The following GMDS variants were observed in gnomAD, a reference collection of about 807,000 sequenced individuals.
The protein encoded by GMDS is GDP-mannose 4,6 dehydratase.
In GMDS, 20 loss-of-function variants were observed where a neutral mutation model predicts 49.9. That is an observed-to-expected ratio of 0.40 (90% CI 0.28 to 0.58). GMDS has a LOEUF of 0.58. Among genes scored for constraint, GMDS ranks in the 20% least tolerant of loss-of-function variants. GMDS has a pLI of 0.42. For synonymous variants in GMDS, 177 were observed against 178.6 expected (o/e 0.99, Z 0.07); for missense variants, 362 against 481.4 (o/e 0.75, Z 2.32).
At chr6:1,913,388 CAAAAAAAAA>C (rs56262461) in intron 7 of GMDS, among the ~76,000 whole-genome samples, 1 of 103,976 alleles carries the variant, frequency 9.6e-6, no homozygotes, top group East Asian at 2.8e-4. Flanking sequence ...CTCAAACAAA[CAAAAAAAAA>C]AAAAAAAAAA....
chr6:2,095,648 C>A (rs900262320), intron 4 of GMDS, among the ~76,000 whole-genome samples: 1 of 152,096 alleles, frequency 6.6e-6, no homozygotes, highest in Non-Finnish European at 1.5e-5. Context: ...GTGTTTCTTG[C>A]AAATGTGATG....
intron 9 of GMDS, among the ~76,000 whole-genome samples, chr6:1,708,628 A>G (rs1254089922): frequency 2.0e-5 from 3 of 152,252 alleles, no homozygotes; most frequent in South Asian, 2.1e-4. Flanking sequence ...CATGCCTATT[A>G]TAAACTGCTG....
chr6:1,959,135 G>A (rs1264386666), intron 6 of GMDS, among the ~76,000 whole-genome samples: 5 of 152,188 alleles, frequency 3.3e-5, no homozygotes, highest in Admixed American at 3.3e-4. Context: ...TAAAATTATA[G>A]CTAGACAGAC....
intron 7 of GMDS, among the ~76,000 whole-genome samples, chr6:1,887,005 T>A (rs146729202): frequency 6.6e-6 from 1 of 152,322 alleles, no homozygotes; most frequent in East Asian, 1.9e-4. Context: ...CATTTATTCA[T>A]CTTCACCACC....
At chr6:1,760,562 A>AC (rs899947043) in intron 7 of GMDS, among the ~76,000 whole-genome samples, 10 of 152,104 alleles carry the variant, frequency 6.6e-5, no homozygotes, top group African/African-American at 2.4e-4. Context: ...CGCAGTCCCC[A>AC]CCGCCGAGGA....
rs1016513404 is a variant in GMDS, at chr6:2,173,151, C to G, written c.103-48420G>C. Among the ~76,000 whole-genome samples the G allele has an allele frequency of 4.6e-5, 7 of 152,150 alleles. No homozygotes were observed. The East Asian group carries it at 1.3e-3, about 29-fold the overall frequency. ...TCTAGGTTATTTTAAAAACAACATA[C>G]TACTGCTTATCAACACTTAGGAAAT... On this transcript the variant is annotated intron_variant, in intron 1 of 10. Transcript: ENST00000380815.
chr6:2,067,377 A>T (rs1402392303), intron 4 of GMDS, among the ~76,000 whole-genome samples: 1 of 149,948 alleles, frequency 6.7e-6, no homozygotes, highest in Non-Finnish European at 1.5e-5. Context: ...GAGCAAACAC[A>T]TTCAAAAGCT....
chr6:2,242,610 T>C (rs1030475426), intron 1 of GMDS, among the ~76,000 whole-genome samples: 8 of 152,204 alleles, frequency 5.3e-5, no homozygotes, highest in Admixed American at 2.6e-4. Flanking sequence ...TGAAATCTCT[T>C]CTTAGAGTAA....
chr6:2,123,187 C>T (rs1470470537), intron 2 of GMDS, among the ~76,000 whole-genome samples: 4 of 152,170 alleles, frequency 2.6e-5, no homozygotes, highest in African/African-American at 7.2e-5. Context: ...CATCCAAACT[C>T]GCCCTGTCAC....
At chr6:2,153,395 TA>T (rs1776943101) in intron 1 of GMDS, among the ~76,000 whole-genome samples, 2 of 151,858 alleles carry the variant, frequency 1.3e-5, no homozygotes, top group African/African-American at 4.8e-5. Flanking sequence ...ACCAAATAAT[TA>T]AAAAGCAAAT....
At chr6:1,641,182 T>G (rs1401662869) in intron 9 of GMDS, among the ~76,000 whole-genome samples, 1 of 152,224 alleles carries the variant, frequency 6.6e-6, no homozygotes, top group Admixed American at 6.5e-5. Context: ...TGGGACATCC[T>G]GAGACATGCT....
At chr6:2,218,006 G>A (rs940468941) in intron 1 of GMDS, among the ~76,000 whole-genome samples, 5 of 152,116 alleles carry the variant, frequency 3.3e-5, no homozygotes, top group African/African-American at 2.4e-5. Context: ...AACTGCTCTC[G>A]GGCTCCAAAT....
intron 9 of GMDS, among the ~76,000 whole-genome samples, chr6:1,714,119 G>A (rs1343262177): frequency 2.0e-5 from 3 of 152,106 alleles, no homozygotes; most frequent in African/African-American, 4.8e-5. Flanking sequence ...CTGGATTCAC[G>A]CCATTCTCCC....
Position 2,190,101 on chromosome 6 carries a change from A to G in GMDS, c.102+55220T>C, listed in dbSNP as rs573250847. Among the ~76,000 whole-genome samples the G allele has an allele frequency of 4.6e-5, 7 of 152,308 alleles. No homozygotes were observed. In the Middle Eastern group the frequency reaches 0.014, roughly 296 times the overall value. On this transcript the variant is annotated intron_variant, in intron 1 of 10. Coordinates refer to ENST00000380815, the MANE Select transcript of GMDS (RefSeq NM_001500.4). The stretch of plus-strand genomic sequence containing the variant: ...CAGCTCAGCCAACGGAAAACATTCA[A>G]CCTTCAACTTTTAATAAAGTACAAA...
At chr6:1,667,594 T>A (rs1384605787) in intron 9 of GMDS, among the ~76,000 whole-genome samples, 2 of 152,130 alleles carry the variant, frequency 1.3e-5, no homozygotes, top group Non-Finnish European at 2.9e-5. Context: ...CATATGAACA[T>A]GCTGAAAGAA....
At chr6:1,738,018 A>C (rs1293793320) in intron 8 of GMDS, among the ~76,000 whole-genome samples, 21 of 50,184 alleles carry the variant, frequency 4.2e-4, no homozygotes, top group African/African-American at 1.7e-3. Flanking sequence ...ACACACATAC[A>C]CACATACACA....
chr6:2,008,109 T>C (rs1445528797), intron 4 of GMDS, among the ~76,000 whole-genome samples: 2 of 152,208 alleles, frequency 1.3e-5, no homozygotes, highest in African/African-American at 4.8e-5. Context: ...TTGCAATTTA[T>C]AGTCTATTTA....
chr6:1,741,945 G>A (rs1234542209), intron 8 of GMDS, among the ~76,000 whole-genome samples: 13 of 147,730 alleles, frequency 8.8e-5, no homozygotes, highest in African/African-American at 3.2e-4. Context: ...TTTTTGAGAT[G>A]GAGTCTTGCT....
chr6:1,745,395 CTGGTGGGT>C, intron 7 of GMDS, among the ~76,000 whole-genome samples: 1 of 128,574 alleles, frequency 7.8e-6, no homozygotes, highest in Non-Finnish European at 1.7e-5. Context: ...CTGTTGGCTA[CTGGTGGGT>C]CACTTGGAGA....
Sources: allele counts gnomAD v4.1 joint callset (sites outside exome capture counted in the v4.1 genomes callset), GRCh38; gene constraint gnomAD v4.1.1; transcripts MANE v1.5; gene names NCBI Gene and HGNC (gene_info 2026-07-23, HGNC 2026-07-21).